RNF185: variants seen among roughly 807,000 people sequenced by gnomAD.
RNF185 encodes the protein ring finger protein 185, also known as E3 ubiquitin-protein ligase RNF185.
A neutral mutation model predicts 24.9 loss-of-function variants in RNF185; 13 were observed. The observed-to-expected ratio is 0.52, with a 90% CI of 0.34 to 0.83. The LOEUF (loss-of-function observed/expected upper bound fraction) is 0.83. Ranked by LOEUF, RNF185 falls within the 40% of genes least tolerant of loss-of-function variation. The pLI is 0.01. For missense variants in RNF185, 184 were observed against 244.7 expected, an observed-to-expected ratio of 0.75 and a Z score of 1.65; for synonymous variants, 79 against 90.3, an observed-to-expected ratio of 0.88 and a Z score of 0.71.
At chr22:31,175,230 G>T (rs999387923) in intron 1 of RNF185, among the ~76,000 whole-genome samples, 1 of 151,886 alleles carries the variant, frequency 6.6e-6, no homozygotes, top group Non-Finnish European at 1.5e-5. Context: ...CAGGTGGATT[G>T]CTTGAGCCCA....
At chr22:31,189,280 CTTTTTT>C (rs1050842065) in intron 2 of RNF185, among the ~76,000 whole-genome samples, 4 of 61,518 alleles carry the variant, frequency 6.5e-5, no homozygotes, top group African/African-American at 2.6e-4. Flanking sequence ...TGTTGTATAT[CTTTTTT>C]TTTTTTTTTT....
intron 1 of RNF185, among the ~76,000 whole-genome samples, chr22:31,166,208 C>G (rs1294543379): frequency 6.6e-6 from 1 of 152,018 alleles, no homozygotes; most frequent in African/African-American, 2.4e-5. Context: ...CCAGGCTGGT[C>G]TCGAACTCCT....
chr22:31,184,515 G>A (rs1339505176), intron 1 of RNF185, among the ~76,000 whole-genome samples: 1 of 152,172 alleles, frequency 6.6e-6, no homozygotes. Flanking sequence ...AGATGGGGTG[G>A]CGGCCGGGCA....
intron 1 of RNF185, among the ~76,000 whole-genome samples, chr22:31,178,429 A>G (rs2048003490): frequency 6.6e-6 from 1 of 152,204 alleles, no homozygotes; most frequent in Non-Finnish European, 1.5e-5. Context: ...AGAATCATCT[A>G]GGGTAGAAAG....
At chr22:31,203,166 A>G (rs1415275435) in intron 6 of RNF185, among the ~76,000 whole-genome samples, 6 of 151,576 alleles carry the variant, frequency 4.0e-5, no homozygotes. Context: ...CCCCTGCCAC[A>G]GTCACAGTTT....
Position 31,204,782 on chromosome 22 carries a change from T to A in RNF185, c.*196T>A, listed in dbSNP as rs2048299002. On this transcript the variant is annotated 3_prime_UTR_variant, in exon 7 of 7. Transcript: ENST00000326132. ...GATGACCCCTGAATATCGCCACCGC[T>A]GTAAACACTCTATAACTTCAGGCCT... The A allele has an allele frequency of 1.8e-6, 1 of 564,690 alleles. No individual in the cohort carries two copies. Among genetic ancestry groups the A allele is most frequent in the African/African-American group, 1.9e-5 (1 of 53,144 alleles). 35.0% of individuals were successfully genotyped at this position (564,690 alleles called of 1,614,324 possible). A position where few individuals can be genotyped will look rare whatever the true frequency, so the allele number is the denominator to read the frequency against.
At chr22:31,193,446 G>A (rs2048174385) in intron 3 of RNF185, among the ~76,000 whole-genome samples, 1 of 152,150 alleles carries the variant, frequency 6.6e-6, no homozygotes, top group African/African-American at 2.4e-5. Flanking sequence ...ATCATTCAGT[G>A]CTGCCATCTC....
At chr22:31,165,657 C>T (rs896717417) in intron 1 of RNF185, among the ~76,000 whole-genome samples, 1 of 152,202 alleles carries the variant, frequency 6.6e-6, no homozygotes, top group Non-Finnish European at 1.5e-5. Flanking sequence ...CCAGCCACTT[C>T]TGGCCATGTG....
intron 5 of RNF185, among the ~76,000 whole-genome samples, chr22:31,197,656 GT>G (rs1164034778): frequency 2.0e-5 from 3 of 152,180 alleles, no homozygotes; most frequent in African/African-American, 7.2e-5. Context: ...CCTGGGCTCA[GT>G]CTACCTCAGC....
chr22:31,193,794 G>A (rs1225998236), intron 3 of RNF185, among the ~76,000 whole-genome samples: 4 of 43,326 alleles, frequency 9.2e-5, no homozygotes, highest in South Asian at 7.5e-4. Context: ...ACTCTGTTTC[G>A]AGAAAAAAAA....
At chr22:31,201,292 T>G (rs2048261075) in intron 5 of RNF185, among the ~76,000 whole-genome samples, 1 of 152,254 alleles carries the variant, frequency 6.6e-6, no homozygotes, top group African/African-American at 2.4e-5. Context: ...AAGCTAAGGC[T>G]AAAAGGGCAG....
chr22:31,179,650 A>C (rs2147936492), intron 1 of RNF185, among the ~76,000 whole-genome samples: 1 of 152,334 alleles, frequency 6.6e-6, no homozygotes, highest in African/African-American at 2.4e-5. Context: ...TGGGACATGC[A>C]GGCCTGTCTC....
chr22:31,200,343 C>T (rs576196012), intron 5 of RNF185, among the ~76,000 whole-genome samples: 3 of 152,032 alleles, frequency 2.0e-5, no homozygotes, highest in Non-Finnish European at 2.9e-5. Flanking sequence ...GGTGACAGAG[C>T]GAGACCCTGT....
intron 1 of RNF185, among the ~76,000 whole-genome samples, chr22:31,173,424 C>CACAA (rs1555881079): frequency 6.6e-6 from 1 of 150,930 alleles, no homozygotes; most frequent in Non-Finnish European, 1.5e-5. Context: ...CAGACACACA[C>CACAA]ACACACACAC....
chr22:31,204,914 A>G lies in RNF185; in HGVS notation c.*328A>G, dbSNP rs551805504. ...GAGGCAGAAAGAGAGAAACTGTCAG[A>G]GTATAATTTCACCTGAGTTTAATAT... On this transcript the variant is annotated 3_prime_UTR_variant, in exon 7 of 7. Coordinates refer to ENST00000326132, the MANE Select transcript of RNF185 (RefSeq NM_152267.4). 122 of 241,426 alleles carry G rather than the reference A, an allele frequency of 5.1e-4. 1 individual carries two copies. The South Asian group carries it at 9.6e-3, about 19-fold the overall frequency. The allele number at this position is 241,426 out of a possible 1,614,324, so 15.0% of individuals were successfully genotyped here.
chr22:31,185,165 C>T (rs899076936), intron 1 of RNF185, among the ~76,000 whole-genome samples: 2 of 151,914 alleles, frequency 1.3e-5, no homozygotes, highest in African/African-American at 4.8e-5. Context: ...GAGGCCAGCG[C>T]ACGAAACTGG....
rs1019098038 is a variant in RNF185 at position 31,205,269 on chromosome 22, T to C, written c.*683T>C. On this transcript the variant is annotated 3_prime_UTR_variant, in exon 7 of 7. Coordinates refer to ENST00000326132, the MANE Select transcript of RNF185 (RefSeq NM_152267.4). ...GGCCTCAGAGAACAACTTGAATGACTTCCTGGTTTCCTGGCATAAATTATT... is the reference window on the plus strand; with the variant it reads ...GGCCTCAGAGAACAACTTGAATGACCTCCTGGTTTCCTGGCATAAATTATT... 1 of 169,952 alleles carries C rather than the reference T, an allele frequency of 5.9e-6. No individual in the cohort carries two copies. The highest frequency in any genetic ancestry group is 1.5e-5 in the Non-Finnish European group (1 of 68,168). The allele number at this position is 169,952 out of a possible 1,614,324, so 10.5% of individuals were successfully genotyped here. A position where few individuals can be genotyped will look rare whatever the true frequency, so the allele number is the denominator to read the frequency against.
rs752368271 is a variant in RNF185, at chr22:31,187,193, G to A, written c.99G>A (p.Gln33=). Residue 33 remains glutamine (Q), a synonymous_variant, in exon 2 of 7, where the codon CAG becomes CAA. Transcript: ENST00000326132. ...SSNGAGESGG[Q]DSTFECNICL... is the part of the protein sequence containing the mutation. The stretch of plus-strand genomic sequence containing the variant: ...ATGGCGCTGGCGAGAGCGGAGGGCA[G>A]GACAGCACTTTCGAGTGCAACATCT... The A allele has an allele frequency of 7.4e-6, 12 of 1,613,980 alleles. No homozygotes were observed. The South Asian group carries it at 1.3e-4, about 18-fold the overall frequency.
At chr22:31,180,911 C>CTG (rs1480111783) in intron 1 of RNF185, among the ~76,000 whole-genome samples, 1,263 of 124,436 alleles carry the variant, frequency 0.01, 12 homozygotes, top group Middle Eastern at 0.038. Context: ...TTTTCTCTCT[C>CTG]TCTCTGTGTG....
Sources: allele counts gnomAD v4.1 joint callset (sites outside exome capture counted in the v4.1 genomes callset), GRCh38; gene constraint gnomAD v4.1.1; transcripts MANE v1.5; gene names NCBI Gene and HGNC (gene_info 2026-07-23, HGNC 2026-07-21).